The following NAV3 variants were observed in gnomAD, a reference collection of about 807,000 sequenced individuals.
NAV3 encodes the protein pore membrane and/or filament interacting like protein 1.
In NAV3, 87 loss-of-function variants were observed where a neutral mutation model predicts 244.7. The observed-to-expected ratio is 0.36, with a 90% CI of 0.30 to 0.42. NAV3 has a LOEUF of 0.42. Among genes scored for constraint, NAV3 ranks in the 20% least tolerant of loss-of-function variants. NAV3 has a pLI of 1.00. For synonymous variants in NAV3, 1,126 were observed against 1,042.2 expected (o/e 1.08, Z -1.55); for missense variants, 2,663 against 2,893.3 (o/e 0.92, Z 1.83).
chr12:77,692,367 A>G (rs1875073916), intron 2 of NAV3, among the ~76,000 whole-genome samples: 1 of 152,122 alleles, frequency 6.6e-6, no homozygotes, highest in Non-Finnish European at 1.5e-5. Context: ...CCTTGGGTCA[A>G]AGGCACTGTT....
intron 12 of NAV3, among the ~76,000 whole-genome samples, chr12:78,088,493 GT>G (rs1566113801): frequency 2.5e-4 from 38 of 151,948 alleles, no homozygotes; most frequent in African/African-American, 9.2e-4. Context: ...CCCTTAGTTT[GT>G]TGACATGCGC....
intron 2 of NAV3, among the ~76,000 whole-genome samples, chr12:77,813,637 A>C (rs1195020844): frequency 1.3e-5 from 2 of 152,190 alleles, no homozygotes; most frequent in Admixed American, 6.5e-5. Flanking sequence ...GAGAAAGAAA[A>C]ACCCATCAAA....
chr12:78,190,009 T>C lies in NAV3; in HGVS notation c.6081T>C (p.Ser2027=). The change falls in exon 34 of 40, where the codon AGT becomes AGC. Residue 2027 remains serine (S), a synonymous_variant. Transcript: ENST00000397909. ...GGGTAGAAGAAAATAGTTTGGACAG[T>C]TTTGTTTTTGATACGCTGATTCCTA... ...LKGVEENSLD[S]FVFDTLIPKP... is the part of the protein sequence containing the mutation. 6.2e-7 allele frequency: 1 copy of C among 1,612,956 alleles called. No homozygotes were observed. Among genetic ancestry groups the C allele is most frequent in the South Asian group, 1.1e-5 (1 of 91,038 alleles).
At chr12:78,054,832 G>T (rs1009978721) in intron 11 of NAV3, among the ~76,000 whole-genome samples, 1 of 151,992 alleles carries the variant, frequency 6.6e-6, no homozygotes, top group Non-Finnish European at 1.5e-5. Context: ...AGGATTTTTT[G>T]ATGAGAAAGC....
At chr12:77,639,960 T>G (rs1330188515) in intron 2 of NAV3, among the ~76,000 whole-genome samples, 1 of 151,932 alleles carries the variant, frequency 6.6e-6, no homozygotes, top group Non-Finnish European at 1.5e-5. Context: ...TAGAGAAGAG[T>G]TTAGAGCAAT....
intron 2 of NAV3, among the ~76,000 whole-genome samples, chr12:77,638,681 ATTATT>A (rs1204487850): frequency 6.6e-6 from 1 of 152,226 alleles, no homozygotes. Context: ...TTATATAATA[ATTATT>A]TTGTCATTGT....
intron 1 of NAV3, among the ~76,000 whole-genome samples, chr12:77,910,328 G>T (rs556032770): frequency 2.0e-5 from 3 of 151,924 alleles, no homozygotes; most frequent in South Asian, 4.2e-4. Context: ...AGGGGAGGAG[G>T]TGTCAGACTG....
At chr12:77,694,380 G>T (rs1239194994) in intron 2 of NAV3, among the ~76,000 whole-genome samples, 1 of 151,718 alleles carries the variant, frequency 6.6e-6, no homozygotes, top group Admixed American at 6.6e-5. Flanking sequence ...GGCTGAGGCA[G>T]GAGAATCACT....
At chr12:77,879,412 A>G (rs1320527122) in intron 1 of NAV3, among the ~76,000 whole-genome samples, 1 of 152,174 alleles carries the variant, frequency 6.6e-6, no homozygotes, top group African/African-American at 2.4e-5. Flanking sequence ...TCACACCTGT[A>G]TTCCTAAGAC....
chr12:78,020,770 T>A (rs980903282), intron 8 of NAV3, among the ~76,000 whole-genome samples: 1 of 152,152 alleles, frequency 6.6e-6, no homozygotes, highest in African/African-American at 2.4e-5. Context: ...TATTCATATA[T>A]GAACATTATT....
chr12:77,640,626 A>G (rs141169568), intron 2 of NAV3, among the ~76,000 whole-genome samples: 24 of 152,310 alleles, frequency 1.6e-4, no homozygotes, highest in African/African-American at 4.3e-4. Flanking sequence ...AGAATCTAAA[A>G]TACAGCATGA....
rs2138612175 is a variant in NAV3 at position 78,119,462 on chromosome 12, G to A, written c.3266G>A (p.Gly1089Asp). The A allele has an allele frequency of 6.2e-7, 1 of 1,614,182 alleles. No homozygotes were observed. The highest frequency in any genetic ancestry group is 8.5e-7 in the Non-Finnish European group (1 of 1,180,030). The change falls in exon 15 of 40, where the codon GGC (glycine) becomes GAC (aspartate). Residue 1089 changes from glycine (G) to aspartate (D), a missense_variant. By Grantham distance (94) the Gly-to-Asp change is moderately conservative (BLOSUM62 -1). Around this residue, in one of 6 missense-constraint regions of NAV3, gnomAD observed 1,521 missense variants for 1,497.0 expected, o/e 1.02. Coordinates refer to ENST00000397909, the MANE Select transcript of NAV3 (RefSeq NM_001024383.2). ...ITSSGATITS[G>D]SATLGKIPKS... ...AGCAGTGGAGCAACCATAACAAGTG[G>A]CTCTGCAACACTGGGTAAAATTCCA...
chr12:77,824,679 A>T (rs145882350), intron 2 of NAV3, among the ~76,000 whole-genome samples: 299 of 151,980 alleles, frequency 2.0e-3, no homozygotes, highest in Admixed American at 5.1e-3. Context: ...GATTACCTGA[A>T]GTCAGGAGTT....
chr12:77,891,725 C>T (rs1033570537), intron 1 of NAV3, among the ~76,000 whole-genome samples: 1 of 152,150 alleles, frequency 6.6e-6, no homozygotes, highest in African/African-American at 2.4e-5. Flanking sequence ...TGTACATGAC[C>T]CCAAAGCCAG....
At chr12:77,603,696 G>A (rs2136782583) in intron 2 of NAV3, among the ~76,000 whole-genome samples, 1 of 152,168 alleles carries the variant, frequency 6.6e-6, no homozygotes, top group African/African-American at 2.4e-5. Flanking sequence ...TCATGATGAA[G>A]GGAGAGGCAG....
chr12:77,828,474 C>T (rs1873248702), upstream of NAV3, among the ~76,000 whole-genome samples: 2 of 152,090 alleles, frequency 1.3e-5, no homozygotes, highest in South Asian at 4.1e-4. Context: ...CTCAGGTCAC[C>T]ATCACATCTG....
At chr12:77,936,680 T>C (rs1360461920) in intron 1 of NAV3, among the ~76,000 whole-genome samples, 1 of 152,202 alleles carries the variant, frequency 6.6e-6, no homozygotes, top group Admixed American at 6.5e-5. Flanking sequence ...TTTGTGATAA[T>C]GAACTGAGGG....
intron 2 of NAV3, among the ~76,000 whole-genome samples, chr12:77,803,714 C>G (rs1009689904): frequency 1.3e-5 from 2 of 152,182 alleles, no homozygotes; most frequent in Admixed American, 6.5e-5. Context: ...CAGTCTTCCA[C>G]AGTGGTTGAA....
At chr12:77,655,601 G>C (rs1157717616) in intron 2 of NAV3, among the ~76,000 whole-genome samples, 1 of 152,050 alleles carries the variant, frequency 6.6e-6, no homozygotes, top group Non-Finnish European at 1.5e-5. Flanking sequence ...AGGAAATACA[G>C]AGAACGCCAC....
Sources: gnomAD v4.1 joint callset for allele counts (sites outside exome capture counted in the v4.1 genomes callset) on GRCh38, gnomAD v4.1.1 for gene constraint, gnomAD v4.1.1 regional missense constraint, MANE v1.5 for transcripts, NCBI Gene and HGNC (gene_info 2026-07-23, HGNC 2026-07-21) for gene names.